The following YTHDF3 variants were observed in gnomAD, a reference collection of about 807,000 sequenced individuals.
The protein encoded by YTHDF3 is YTH N6-methyladenosine RNA binding protein F3, also known as YTH domain-containing family protein 3.
In YTHDF3, 9 loss-of-function variants were observed where a neutral mutation model predicts 52.5. The ratio of observed to expected loss-of-function variants is 0.17; its 90% confidence interval spans 0.10 to 0.30. The LOEUF (loss-of-function observed/expected upper bound fraction) is 0.30, where lower values mean the gene tolerates loss of function less well. Among genes scored for constraint, YTHDF3 ranks in the 10% least tolerant of loss-of-function variants. The pLI, the probability that YTHDF3 is intolerant of heterozygous loss-of-function variation, is 1.00. For missense variants in YTHDF3, 534 were observed against 715.0 expected (o/e 0.75, Z 2.89); for synonymous variants, 274 against 243.3 (o/e 1.13, Z -1.18).
At position 63,211,127 on chromosome 8, in the gene YTHDF3, A is replaced by C. The variant is rs1327079546; in HGVS notation, c.*1421A>C. On this transcript the variant is annotated 3_prime_UTR_variant, in exon 5 of 5. Coordinates refer to ENST00000539294, the MANE Select transcript of YTHDF3 (RefSeq NM_152758.6). ...ATTTACTGTGGTCTTTGGTCACTTC[A>C]GCTCAAAGACCTAGTGATGGATATT... The C allele has an allele frequency of 6.6e-6, 1 of 152,556 alleles. No individual in the cohort carries two copies. The allele number at this position is 152,556 out of a possible 1,614,324, so 9.5% of individuals were successfully genotyped here. A position where few individuals can be genotyped will look rare whatever the true frequency, so the allele number is the denominator to read the frequency against.
chr8:63,209,255 T>C (rs1349871675), intron 4 of YTHDF3, among the ~76,000 whole-genome samples: 1 of 152,220 alleles, frequency 6.6e-6, no homozygotes, highest in Non-Finnish European at 1.5e-5. Flanking sequence ...AAGTTTTTTT[T>C]ATTAGTCTGA....
upstream of YTHDF3, chr8:63,168,590 G>A: frequency 1.8e-6 from 1 of 564,692 alleles, no homozygotes; most frequent in South Asian, 2.0e-5. Flanking sequence ...AGAGTGGAGA[G>A]CGGAAGGTCA....
intron 3 of YTHDF3, among the ~76,000 whole-genome samples, chr8:63,179,762 G>A (rs188745292): frequency 0.034 from 5,177 of 152,290 alleles, 116 homozygotes; most frequent in Middle Eastern, 0.068. Flanking sequence ...TGGTGGCCGG[G>A]CAGAGGGGCT....
At chr8:63,175,271 G>T in intron 2 of YTHDF3, 60 bp from the exon 3 acceptor site, 1 of 1,246,448 alleles carries the variant, frequency 8.0e-7, no homozygotes, top group Non-Finnish European at 1.1e-6. Flanking sequence ...AAAAACATTA[G>T]GTTGTGCTGC....
intron 2 of YTHDF3, among the ~76,000 whole-genome samples, chr8:63,173,862 A>G (rs1161920851): frequency 6.6e-6 from 1 of 152,178 alleles, no homozygotes; most frequent in Non-Finnish European, 1.5e-5. Flanking sequence ...AAATTATGTT[A>G]GTGGAGCCAG....
rs972228748 is a variant in YTHDF3, at chr8:63,211,875, A to T, written c.*2169A>T. ...TTCCTTTGGAAAAAAAAATCTTTTT[A>T]TTTTCAAGTGATAATTTTGTGTTTT... On this transcript the variant is annotated 3_prime_UTR_variant, in exon 5 of 5. Transcript: ENST00000539294. 1 of 152,474 alleles carries T rather than the reference A, an allele frequency of 6.6e-6. No individual in the cohort carries two copies. The highest frequency in any genetic ancestry group is 2.4e-5 in the African/African-American group (1 of 41,406). The allele number at this position is 152,474 out of a possible 1,614,324, so 9.4% of individuals were successfully genotyped here. A position where few individuals can be genotyped will look rare whatever the true frequency, so the allele number is the denominator to read the frequency against.
rs1428832183 is a variant in YTHDF3 at position 63,210,883 on chromosome 8, A to G, written c.*1177A>G. ...AACATTAATTTTGTATCTTGAAGCA[A>G]ATTGATTTTGTATAATTAAATGTGT... is the stretch of plus-strand genomic sequence containing the variant. On this transcript the variant is annotated 3_prime_UTR_variant, in exon 5 of 5. Coordinates refer to ENST00000539294, the MANE Select transcript of YTHDF3 (RefSeq NM_152758.6). 1 of 152,528 alleles carries G rather than the reference A, an allele frequency of 6.6e-6. No homozygotes were observed. Among genetic ancestry groups the G allele is most frequent in the Non-Finnish European group, 1.5e-5 (1 of 67,982 alleles). The allele number at this position is 152,528 out of a possible 1,614,324, so 9.4% of individuals were successfully genotyped here. A position where few individuals can be genotyped will look rare whatever the true frequency, so the allele number is the denominator to read the frequency against.
At chr8:63,206,052 G>A (rs996637145) in intron 4 of YTHDF3, among the ~76,000 whole-genome samples, 4 of 151,990 alleles carry the variant, frequency 2.6e-5, no homozygotes, top group African/African-American at 9.7e-5. Flanking sequence ...TGTCTCATAA[G>A]CAGCCTAAAT....
intron 3 of YTHDF3, among the ~76,000 whole-genome samples, chr8:63,181,979 A>G (rs1317372013): frequency 6.6e-6 from 1 of 152,234 alleles, no homozygotes; most frequent in Non-Finnish European, 1.5e-5. Flanking sequence ...GCATAATACA[A>G]GCATTAAAAT....
chr8:63,169,751 A>G (rs1456064148), intron 2 of YTHDF3, among the ~76,000 whole-genome samples: 2 of 152,270 alleles, frequency 1.3e-5, no homozygotes, highest in African/African-American at 2.4e-5. Context: ...AGACAAGTAT[A>G]TTCTTAAAGT....
At chr8:63,205,729 C>T (rs947817518) in intron 4 of YTHDF3, among the ~76,000 whole-genome samples, 3 of 151,958 alleles carry the variant, frequency 2.0e-5, no homozygotes, top group African/African-American at 2.4e-5. Context: ...CCACTGCACC[C>T]GGTAGCTCAT....
intron 3 of YTHDF3, among the ~76,000 whole-genome samples, chr8:63,180,065 C>A (rs1429827585): frequency 6.9e-6 from 1 of 144,438 alleles, no homozygotes; most frequent in South Asian, 2.3e-4. Context: ...GCTGGCTGGG[C>A]GGGGGGCTGA....
rs1807556231 is a variant in YTHDF3 at position 63,174,481 on chromosome 8, TAG to T, written c.50-845_50-844del. 2.0e-5 allele frequency among the ~76,000 whole-genome samples: 3 copies of T among 152,222 alleles called. No homozygotes were observed. The South Asian group carries it at 6.2e-4, about 31-fold the overall frequency. ...TCTGAAACAGCGAACAGTCAAAGGT[TAG>T]AGAGTTTAAATCCCTAACTGGAGAT... On this transcript the variant is annotated intron_variant, in intron 2 of 4. Coordinates refer to ENST00000539294, the MANE Select transcript of YTHDF3 (RefSeq NM_152758.6).
In YTHDF3 at chr8:63,168,651, C is replaced by T. The variant is rs1014199863; in HGVS notation, c.-227C>T. 15 of 765,472 alleles carry T rather than the reference C, an allele frequency of 2.0e-5. No homozygotes were observed. Among genetic ancestry groups the T allele is most frequent in the African/African-American group, 1.9e-4 (11 of 56,446 alleles). The allele number at this position is 765,472 out of a possible 1,614,324, so 47.4% of individuals were successfully genotyped here. A position where few individuals can be genotyped will look rare whatever the true frequency, so the allele number is the denominator to read the frequency against. ...TAGGGAGTCTGTCCGCCATTGTGGACCCGAGAAGCAGAGAGCGAGAGGGGG... is the reference window on the plus strand; with the variant it reads ...TAGGGAGTCTGTCCGCCATTGTGGATCCGAGAAGCAGAGAGCGAGAGGGGG... On this transcript the variant is annotated 5_prime_UTR_variant, in exon 1 of 5. Transcript: ENST00000539294.
intron 3 of YTHDF3, among the ~76,000 whole-genome samples, chr8:63,184,929 G>A (rs1585756062): frequency 6.6e-6 from 1 of 152,088 alleles, no homozygotes; most frequent in African/African-American, 2.4e-5. Context: ...GACCATCCTG[G>A]GCAACATGGT....
chr8:63,206,890 A>G (rs1810068597), intron 4 of YTHDF3, among the ~76,000 whole-genome samples: 1 of 152,166 alleles, frequency 6.6e-6, no homozygotes, highest in Non-Finnish European at 1.5e-5. Flanking sequence ...TTGTTTCCAA[A>G]ATTGATGTCA....
rs965100342 is a variant in YTHDF3 at position 63,169,069 on chromosome 8, C to G, written c.24+168C>G. On this transcript the variant is annotated intron_variant, in intron 1 of 4. Coordinates refer to ENST00000539294, the MANE Select transcript of YTHDF3 (RefSeq NM_152758.6). ...CGGGCCGGGGCGTGCGCCCTGGCCC[C>G]GTAGCTTGCGGGCGGGCGGGCGCGG... is the stretch of plus-strand genomic sequence containing the variant. The G allele has an allele frequency of 1.9e-5, 26 of 1,393,194 alleles. No homozygotes were observed. In the East Asian group the frequency reaches 7.2e-4, roughly 39 times the overall value. 86.3% of individuals were successfully genotyped at this position (1,393,194 alleles called of 1,614,324 possible).
chr8:63,191,537 CTG>C (rs1168735420), intron 4 of YTHDF3, among the ~76,000 whole-genome samples: 1 of 152,116 alleles, frequency 6.6e-6, no homozygotes, highest in Non-Finnish European at 1.5e-5. Flanking sequence ...GCACAAAAGA[CTG>C]TGTTTAAAAC....
chr8:63,194,640 G>A (rs376649167), intron 4 of YTHDF3, among the ~76,000 whole-genome samples: 1 of 152,108 alleles, frequency 6.6e-6, no homozygotes, highest in African/African-American at 2.4e-5. Context: ...CTTTCCCCCA[G>A]AAAACTATAG....
Sources: allele counts gnomAD v4.1 joint callset (sites outside exome capture counted in the v4.1 genomes callset), GRCh38; gene constraint gnomAD v4.1.1; transcripts MANE v1.5; gene names NCBI Gene and HGNC (gene_info 2026-07-23, HGNC 2026-07-21).